FGF13: variants seen among roughly 807,000 people sequenced by gnomAD.
FGF13 encodes the protein fibroblast growth factor homologous factor 2.
FGF13 carries 2 observed loss-of-function variants against 19.5 expected under a neutral mutation model. The ratio of observed to expected loss-of-function variants is 0.10; its 90% CI spans 0.04 to 0.32. FGF13 has a LOEUF of 0.32. FGF13 is among the 10% of genes least tolerant of loss of function. FGF13 has a pLI of 1.00. For missense variants in FGF13, 113 were observed against 192.7 expected (o/e 0.59, Z 2.45); for synonymous variants, 72 against 76.9 (o/e 0.94, Z 0.33).
At chrX:139,095,895 C>T (rs920195529) in intron 1 of FGF13, among the ~76,000 whole-genome samples, 1 of 111,475 alleles carries the variant, frequency 9.0e-6, no homozygotes, top group Non-Finnish European at 1.9e-5. Flanking sequence ...GGGAGGGCCT[C>T]CTCTGCTTTC....
At chrX:138,719,156 A>ATTCTT (rs899515584) in intron 1 of FGF13, among the ~76,000 whole-genome samples, 2 of 112,029 alleles carry the variant, frequency 1.8e-5, no homozygotes, top group African/African-American at 6.5e-5. Context: ...GTGGGTCTGG[A>ATTCTT]ATTTGGGTTG....
intron 1 of FGF13, among the ~76,000 whole-genome samples, chrX:138,954,240 G>T (rs1299132090): frequency 9.0e-6 from 1 of 111,412 alleles, no homozygotes; most frequent in African/African-American, 3.3e-5. Context: ...TCTGTTGTAT[G>T]ACAAACGCTG....
rs192315424 is a variant in FGF13, at chrX:138,973,621, T to C, written c.-112-108971A>G. 2.7e-5 allele frequency among the ~76,000 whole-genome samples: 3 copies of C among 111,992 alleles called. No homozygotes were observed. In the East Asian group the frequency reaches 8.5e-4, roughly 32 times the overall value. On this transcript the variant is annotated intron_variant, in intron 1 of 2. Coordinates refer to the FGF13 transcript ENST00000421460. ...TAAGTCCCTTACTATTATATTGCAG[T>C]CTATCTTCCCTTTTAGGTCTATTAA...
At chrX:138,724,026 T>C (rs1044534127) in intron 1 of FGF13, among the ~76,000 whole-genome samples, 6 of 111,987 alleles carry the variant, frequency 5.4e-5, no homozygotes, top group African/African-American at 1.9e-4. Flanking sequence ...TGACACTATG[T>C]GAACAAAGCT....
chrX:138,669,651 A>G (rs2089592209), intron 3 of FGF13, among the ~76,000 whole-genome samples: 1 of 111,229 alleles, frequency 9.0e-6, no homozygotes, highest in African/African-American at 3.3e-5. Context: ...AATAATGTGG[A>G]TAGGATCCTT....
chrX:139,104,428 C>T (rs61364278), intron 1 of FGF13, among the ~76,000 whole-genome samples: 1,136 of 110,138 alleles, frequency 0.01, 16 homozygotes, highest in African/African-American at 0.034. Flanking sequence ...AGAAATGTGG[C>T]CTTTGGCTAC....
chrX:138,791,283 A>AG (rs1349175408), intron 3 of FGF13, among the ~76,000 whole-genome samples: 1 of 111,776 alleles, frequency 8.9e-6, no homozygotes, highest in South Asian at 3.8e-4. Context: ...CACATTGTGG[A>AG]GGGGGGTTCT....
intron 1 of FGF13, among the ~76,000 whole-genome samples, chrX:139,203,110 G>C (rs5976307): frequency 0.29 from 32,147 of 111,215 alleles, 3,791 homozygotes; most frequent in Middle Eastern, 0.45. Context: ...GGCAAAGGGT[G>C]GGGGGGCGTC....
intron 3 of FGF13, among the ~76,000 whole-genome samples, chrX:138,794,259 G>T (rs1344681111): frequency 9.0e-6 from 1 of 111,626 alleles, no homozygotes; most frequent in Non-Finnish European, 1.9e-5. Flanking sequence ...TGCAACTCAG[G>T]ATAAAATGTA....
Position 138,711,074 on chromosome X carries a change from C to T in FGF13, c.-71G>A. 2 of 1,179,961 alleles carry T rather than the reference C, an allele frequency of 1.7e-6. No individual in the cohort carries two copies. The highest frequency in any genetic ancestry group is 1.9e-5 in the South Asian group (1 of 53,050). ...GGTTCGCCTCCTCCTCCTTCTCCTCCGCTGCTTGTCCGCTGTCTCGCGACT... is the reference window on the plus strand; with the variant it reads ...GGTTCGCCTCCTCCTCCTTCTCCTCTGCTGCTTGTCCGCTGTCTCGCGACT... On this transcript the variant is annotated 5_prime_UTR_variant, in exon 1 of 5. Coordinates refer to ENST00000315930, the MANE Select transcript of FGF13 (RefSeq NM_004114.5).
At chrX:138,805,861 C>T (rs1377004568) in intron 3 of FGF13, among the ~76,000 whole-genome samples, 2 of 110,373 alleles carry the variant, frequency 1.8e-5, no homozygotes, top group Non-Finnish European at 1.9e-5. Context: ...TTTTTCACTC[C>T]CACTTTTAAT....
chrX:138,693,324 T>A (rs143173473), intron 3 of FGF13, among the ~76,000 whole-genome samples: 3,877 of 111,757 alleles, frequency 0.035, 136 homozygotes, highest in African/African-American at 0.12. Context: ...ACTGCAATAA[T>A]TTTAAAGACT....
intron 1 of FGF13, among the ~76,000 whole-genome samples, chrX:138,878,397 C>A (rs368461857): frequency 1.0e-5 from 1 of 100,182 alleles, no homozygotes; most frequent in African/African-American, 3.7e-5. Context: ...TGAGAACATG[C>A]GGTGTTTGGT....
chrX:138,752,506 G>A (rs900271449), intron 3 of FGF13, among the ~76,000 whole-genome samples: 9 of 112,230 alleles, frequency 8.0e-5, no homozygotes, highest in Non-Finnish European at 1.3e-4. Flanking sequence ...GTATGTTTGC[G>A]TATACTCTAT....
chrX:139,013,017 C>T (rs1227245260), intron 1 of FGF13, among the ~76,000 whole-genome samples: 1 of 111,322 alleles, frequency 9.0e-6, no homozygotes, highest in African/African-American at 3.3e-5. Flanking sequence ...ACAATCCCAT[C>T]AAAAAGTGGG....
intron 1 of FGF13, among the ~76,000 whole-genome samples, chrX:139,006,976 A>T (rs1335686364): frequency 8.9e-6 from 1 of 111,980 alleles, no homozygotes; most frequent in Non-Finnish European, 1.9e-5. Flanking sequence ...ACCAAATGCC[A>T]GGAGTAAGTC....
intron 1 of FGF13, among the ~76,000 whole-genome samples, chrX:139,099,037 G>A (rs2083489319): frequency 9.0e-6 from 1 of 111,214 alleles, no homozygotes; most frequent in East Asian, 2.9e-4. Context: ...ACCCCTGCTA[G>A]GAGAAAATGG....
intron 1 of FGF13, among the ~76,000 whole-genome samples, chrX:138,899,968 G>A (rs2091523733): frequency 9.0e-6 from 1 of 111,098 alleles, no homozygotes; most frequent in Non-Finnish European, 1.9e-5. Flanking sequence ...ATGCGTGTGA[G>A]TATATGTGCA....
intron 1 of FGF13, among the ~76,000 whole-genome samples, chrX:139,038,228 G>A (rs911568747): frequency 3.6e-5 from 4 of 110,910 alleles, no homozygotes; most frequent in Non-Finnish European, 7.6e-5. Context: ...ATCCACCCCT[G>A]CTGTTGCTTG....
Sources: gnomAD v4.1 joint callset for allele counts (sites outside exome capture counted in the v4.1 genomes callset) on GRCh38, gnomAD v4.1.1 for gene constraint, MANE v1.5 for transcripts, NCBI Gene and HGNC (gene_info 2026-07-23, HGNC 2026-07-21) for gene names.